The following SNRPN variants were observed in gnomAD, a reference collection of about 807,000 sequenced individuals.
SNRPN encodes small nuclear ribonucleoprotein-associated protein N.
A neutral mutation model predicts 25.2 loss-of-function variants in SNRPN; 7 were observed. The ratio of observed to expected loss-of-function variants is 0.28; its 90% CI spans 0.16 to 0.52. The LOEUF (loss-of-function observed/expected upper bound fraction) is 0.52. Ranked by LOEUF, SNRPN falls within the 20% of genes least tolerant of loss-of-function variation. The probability of loss-of-function intolerance (pLI) is 0.96; values close to 1 mark genes in which losing one functional copy is unlikely to be tolerated. For synonymous variants in SNRPN, 124 were observed against 110.6 expected (o/e 1.12, Z -0.76); for missense variants, 196 against 322.5 (o/e 0.61, Z 3.00).
chr15:24,975,480 C>T lies in SNRPN; in HGVS notation c.126C>T (p.Leu42=), dbSNP rs745944032. 4.3e-6 allele frequency: 7 copies of T among 1,613,976 alleles called. No individual in the cohort carries two copies. The highest frequency in any genetic ancestry group is 5.9e-6 in the Non-Finnish European group (7 of 1,179,942). The part of the protein sequence containing the change: ...KAFDKHMNLI[L]CDCDEFRKIK... ...TTGACAAGCATATGAATTTGATCCT[C>T]TGTGATTGTGATGAGTTCAGAAAGA... Residue 42 remains leucine (L), a synonymous_variant, in exon 5 of 10, where the codon CTC becomes CTT. Coordinates refer to ENST00000390687, the MANE Select transcript of SNRPN (RefSeq NM_003097.6).
At chr15:24,958,520 T>TTTA (rs1440476628) in intron 1 of SNRPN, among the ~76,000 whole-genome samples, 1 of 120,712 alleles carries the variant, frequency 8.3e-6, no homozygotes, top group African/African-American at 3.4e-5. Context: ...TTTTTTTTTT[T>TTTA]AAATAGACCA....
intron 1 of SNRPN, among the ~76,000 whole-genome samples, chr15:24,863,600 T>C (rs1047862095): frequency 4.0e-5 from 6 of 150,976 alleles, no homozygotes; most frequent in African/African-American, 1.5e-4. Context: ...CTAGCAAAAT[T>C]GACCAAAATT....
rs187868546 is a variant in SNRPN at position 24,910,182 on chromosome 15, T to C, written c.-504-9829T>C. ...AGTATTTCTGTGTCTTAATAGTTTT[T>C]TGGAGGGTAGAATGTAAGAGCGATG... On this transcript the variant is annotated intron_variant, in intron 2 of 11. Coordinates refer to the SNRPN transcript ENST00000400097. Among the ~76,000 whole-genome samples, 1,302 of 152,220 alleles carry C rather than the reference T, an allele frequency of 8.6e-3. 17 individuals are homozygous for C. Among genetic ancestry groups the C allele is most frequent in the African/African-American group, 0.03 (1,236 of 41,554 alleles).
chr15:24,972,541 CT>C (rs755600861), intron 3 of SNRPN, among the ~76,000 whole-genome samples: 4,723 of 112,178 alleles, frequency 0.042, 131 homozygotes, highest in African/African-American at 0.14. Flanking sequence ...TTAGAGTATT[CT>C]TTTTTTTTTT....
At chr15:24,880,782 T>C (rs188661355) in intron 1 of SNRPN, among the ~76,000 whole-genome samples, 1 of 152,076 alleles carries the variant, frequency 6.6e-6, no homozygotes, top group Admixed American at 6.6e-5. Context: ...CTTGCTCTGT[T>C]GTCCAGGCTG....
At chr15:24,925,641 G>A (rs190812536) in intron 3 of SNRPN, among the ~76,000 whole-genome samples, 101 of 152,108 alleles carry the variant, frequency 6.6e-4, no homozygotes, top group Non-Finnish European at 1.2e-3. Flanking sequence ...ATCTCACTCT[G>A]TTGTGCAGTT....
chr15:24,891,460 C>T (rs1306933389), intron 2 of SNRPN, among the ~76,000 whole-genome samples: 2 of 149,168 alleles, frequency 1.3e-5, no homozygotes, highest in Non-Finnish European at 1.5e-5. Context: ...TTTTTTGAGA[C>T]GGATTCTCGC....
chr15:24,924,347 A>C (rs1595934463), intron 3 of SNRPN, among the ~76,000 whole-genome samples: 1 of 152,006 alleles, frequency 6.6e-6, no homozygotes, highest in Non-Finnish European at 1.5e-5. Context: ...AGAACAGGTA[A>C]CAGCCGGTGA....
intron 1 of SNRPN, among the ~76,000 whole-genome samples, chr15:24,827,266 G>A (rs974649942): frequency 6.6e-6 from 1 of 151,950 alleles, no homozygotes; most frequent in Non-Finnish European, 1.5e-5. Flanking sequence ...TGTAATCCCA[G>A]CACTTTGGGA....
chr15:24,948,970 A>T (rs2062051691), intron 3 of SNRPN, among the ~76,000 whole-genome samples: 1 of 150,510 alleles, frequency 6.6e-6, no homozygotes, highest in South Asian at 2.1e-4. Context: ...ATCCCCTGAA[A>T]ATCACTAATC....
chr15:24,961,410 C>G (rs574889656), intron 1 of SNRPN, among the ~76,000 whole-genome samples: 6 of 152,262 alleles, frequency 3.9e-5, no homozygotes, highest in African/African-American at 7.2e-5. Context: ...GTCCTGCTGA[C>G]CTTTCTGATT....
chr15:24,977,065 G>A, intron 7 of SNRPN, 36 bp downstream of exon 7: 1 of 1,500,580 alleles, frequency 6.7e-7, no homozygotes, highest in Middle Eastern at 2.0e-4. Flanking sequence ...ATTATTGGGA[G>A]AATATGACTA....
At chr15:24,899,149 G>A (rs923128787) in intron 2 of SNRPN, among the ~76,000 whole-genome samples, 1 of 152,164 alleles carries the variant, frequency 6.6e-6, no homozygotes, top group East Asian at 1.9e-4. Context: ...CAGACATCCA[G>A]GCCCTGCCTC....
At chr15:24,836,827 G>C (rs1171487210) in intron 2 of SNRPN, among the ~76,000 whole-genome samples, 1 of 152,120 alleles carries the variant, frequency 6.6e-6, no homozygotes, top group East Asian at 1.9e-4. Context: ...TATGATTGGA[G>C]GACAAAAGGG....
At chr15:24,847,256 G>C (rs535982407) in intron 2 of SNRPN, among the ~76,000 whole-genome samples, 1 of 152,206 alleles carries the variant, frequency 6.6e-6, no homozygotes, top group Non-Finnish European at 1.5e-5. Context: ...GAGGCCCATG[G>C]CAAACTTAAT....
At chr15:24,879,491 T>C (rs1050957068) in intron 1 of SNRPN, among the ~76,000 whole-genome samples, 14 of 151,904 alleles carry the variant, frequency 9.2e-5, no homozygotes, top group African/African-American at 3.4e-4. Flanking sequence ...TCAGAAAATA[T>C]ATGTGTGATG....
At chr15:24,891,084 T>A (rs1032899680) in intron 2 of SNRPN, among the ~76,000 whole-genome samples, 1 of 152,112 alleles carries the variant, frequency 6.6e-6, no homozygotes. Flanking sequence ...CTAATGTTTG[T>A]ATTTTTAGTA....
intron 1 of SNRPN, among the ~76,000 whole-genome samples, chr15:24,864,589 CCA>C (rs535261820): frequency 5.5e-4 from 83 of 152,022 alleles, no homozygotes; most frequent in African/African-American, 1.9e-3. Flanking sequence ...GGTAATCTGC[CCA>C]CCTCAGCCTC....
At chr15:24,879,163 G>A (rs965665782) in intron 1 of SNRPN, among the ~76,000 whole-genome samples, 7 of 152,078 alleles carry the variant, frequency 4.6e-5, no homozygotes, top group Non-Finnish European at 2.9e-5. Context: ...GGCCGGGTGC[G>A]GTGGCTCACG....
Sources: allele counts gnomAD v4.1 joint callset (sites outside exome capture counted in the v4.1 genomes callset), GRCh38; gene constraint gnomAD v4.1.1; transcripts MANE v1.5; gene names NCBI Gene and HGNC (gene_info 2026-07-23, HGNC 2026-07-21).